The following WWOX variants were observed in gnomAD, a reference collection of about 807,000 sequenced individuals.
WWOX encodes the protein WW domain-containing oxidoreductase.
In WWOX, 69 loss-of-function variants were observed where a neutral mutation model predicts 46.2. That is an observed-to-expected ratio of 1.49 (90% confidence interval 1.23 to 1.82). The LOEUF (loss-of-function observed/expected upper bound fraction) is 1.82. Ranked by LOEUF, WWOX falls within the 40% of genes most tolerant of loss-of-function variation. The pLI is 0.00. For synonymous variants in WWOX, 359 were observed against 202.6 expected (o/e 1.77, Z -6.56); for missense variants, 919 against 542.6 (o/e 1.69, Z -6.89).
intron 4 of WWOX, among the ~76,000 whole-genome samples, chr16:78,139,624 G>C (rs753489039): frequency 5.9e-5 from 9 of 152,176 alleles, no homozygotes; most frequent in Non-Finnish European, 1.0e-4. Flanking sequence ...CAGCCCAGGC[G>C]ATAGAGTGAG....
At chr16:78,710,888 A>T (rs1353343042) in intron 8 of WWOX, among the ~76,000 whole-genome samples, 1 of 152,094 alleles carries the variant, frequency 6.6e-6, no homozygotes, top group Non-Finnish European at 1.5e-5. Flanking sequence ...AAGTGCTGGG[A>T]TTACAGGTGT....
chr16:78,311,779 A>C (rs1740561682), intron 5 of WWOX, among the ~76,000 whole-genome samples: 1 of 101,548 alleles, frequency 9.8e-6, no homozygotes, highest in African/African-American at 4.3e-5. Context: ...TATTTTTAAA[A>C]AGCAGCCTGG....
rs528099088 is a variant in WWOX, at chr16:78,363,510, C to T, written c.517-23350C>T. ...CCCAGGCTGTCCTTGAACTCCTGGG[C>T]TCAACTGATCTTCCCAGCTTGGCCT... On this transcript the variant is annotated intron_variant, in intron 5 of 8. Coordinates refer to ENST00000566780, the MANE Select transcript of WWOX (RefSeq NM_016373.4). Among the ~76,000 whole-genome samples, 27 of 152,188 alleles carry T rather than the reference C, an allele frequency of 1.8e-4. No individual in the cohort carries two copies. The South Asian group carries it at 5.4e-3, about 30-fold the overall frequency.
intron 8 of WWOX, among the ~76,000 whole-genome samples, chr16:79,154,582 G>A (rs1429426893): frequency 1.3e-5 from 2 of 151,480 alleles, no homozygotes; most frequent in African/African-American, 4.9e-5. Flanking sequence ...ATATTCGATG[G>A]CAATTTTGTG....
At chr16:78,296,870 T>C (rs2151864234) in intron 5 of WWOX, among the ~76,000 whole-genome samples, 1 of 152,312 alleles carries the variant, frequency 6.6e-6, no homozygotes, top group South Asian at 2.1e-4. Context: ...GGCAACCAAA[T>C]AAGAGTAGCT....
intron 8 of WWOX, among the ~76,000 whole-genome samples, chr16:78,943,971 C>T (rs865970455): frequency 9.9e-5 from 15 of 152,278 alleles, no homozygotes; most frequent in Middle Eastern, 3.4e-3. Context: ...AGTTCATTTT[C>T]AGGTCCTTCA....
chr16:78,715,874 C>A (rs1303137020), intron 8 of WWOX, among the ~76,000 whole-genome samples: 2 of 152,094 alleles, frequency 1.3e-5, no homozygotes, highest in African/African-American at 4.8e-5. Context: ...TCACATGACC[C>A]CTGAGCTGCA....
At chr16:79,211,171 A>C (rs892189098) in intron 8 of WWOX, among the ~76,000 whole-genome samples, 3 of 152,110 alleles carry the variant, frequency 2.0e-5, no homozygotes, top group Non-Finnish European at 4.4e-5. Context: ...GATGGACCAC[A>C]ATTAAGAGTG....
At chr16:79,022,557 T>A (rs751565343) in intron 8 of WWOX, among the ~76,000 whole-genome samples, 1 of 152,266 alleles carries the variant, frequency 6.6e-6, no homozygotes, top group East Asian at 1.9e-4. Context: ...TCCAATAATA[T>A]CTTTGCAGGA....
chr16:78,854,210 A>T (rs2052516703), intron 8 of WWOX, among the ~76,000 whole-genome samples: 1 of 152,192 alleles, frequency 6.6e-6, no homozygotes, highest in African/African-American at 2.4e-5. Flanking sequence ...CTAACTACTC[A>T]GGTTGCTTAT....
At chr16:78,793,770 A>C (rs185399365) in intron 8 of WWOX, among the ~76,000 whole-genome samples, 1 of 152,276 alleles carries the variant, frequency 6.6e-6, no homozygotes, top group African/African-American at 2.4e-5. Context: ...AGAGGAATCC[A>C]GGTTAGAAAC....
intron 8 of WWOX, among the ~76,000 whole-genome samples, chr16:78,845,133 C>CTT (rs68089672): frequency 1.5e-5 from 2 of 134,282 alleles, no homozygotes; most frequent in Admixed American, 7.4e-5. Flanking sequence ...ATCTTGCTGT[C>CTT]TTTTTTTTTT....
At chr16:78,450,161 A>C (rs572045731) in intron 8 of WWOX, among the ~76,000 whole-genome samples, 1 of 152,318 alleles carries the variant, frequency 6.6e-6, no homozygotes, top group Non-Finnish European at 1.5e-5. Context: ...CTAATTTAGC[A>C]AAATTCAAAT....
At chr16:79,193,225 C>T (rs1183658445) in intron 8 of WWOX, among the ~76,000 whole-genome samples, 1 of 152,156 alleles carries the variant, frequency 6.6e-6, no homozygotes, top group Non-Finnish European at 1.5e-5. Context: ...AATTTGATTC[C>T]CTCTGCATAC....
At chr16:78,585,984 C>T (rs575489822) in intron 8 of WWOX, among the ~76,000 whole-genome samples, 15 of 152,092 alleles carry the variant, frequency 9.9e-5, no homozygotes, top group African/African-American at 3.6e-4. Context: ...ATCCCTTGAG[C>T]CCAGGAGGTT....
At chr16:78,114,315 G>C (rs573906194) in intron 3 of WWOX, among the ~76,000 whole-genome samples, 3 of 152,188 alleles carry the variant, frequency 2.0e-5, no homozygotes, top group Non-Finnish European at 4.4e-5. Flanking sequence ...GCCCAGGCTG[G>C]TCTTGAACTC....
intron 5 of WWOX, among the ~76,000 whole-genome samples, chr16:78,363,919 CTTG>C (rs1210039377): frequency 1.3e-5 from 2 of 152,350 alleles, no homozygotes; most frequent in South Asian, 2.1e-4. Context: ...TCTCCGCCAT[CTTG>C]TTGTGATGCT....
intron 5 of WWOX, among the ~76,000 whole-genome samples, chr16:78,180,238 G>C (rs1472269696): frequency 1.3e-5 from 2 of 152,138 alleles, no homozygotes; most frequent in African/African-American, 4.8e-5. Context: ...GGAGCAGTGG[G>C]AGCCGACTGT....
intron 5 of WWOX, among the ~76,000 whole-genome samples, chr16:78,315,203 G>C (rs1007620081): frequency 6.6e-6 from 1 of 152,190 alleles, no homozygotes; most frequent in African/African-American, 2.4e-5. Flanking sequence ...CCCTGAAACA[G>C]CTACCTTTTC....
Sources: allele counts gnomAD v4.1 joint callset (sites outside exome capture counted in the v4.1 genomes callset), GRCh38; gene constraint gnomAD v4.1.1; transcripts MANE v1.5; gene names NCBI Gene and HGNC (gene_info 2026-07-23, HGNC 2026-07-21).